Variants in EPHB1 observed in about 807,000 individuals in gnomAD.
EPHB1 encodes the protein ephrin type-B receptor 1.
Under a neutral mutation model 94.4 loss-of-function variants are expected in EPHB1, and 30 were observed. That is an observed-to-expected ratio of 0.32 (90% CI 0.24 to 0.43). The LOEUF is 0.43. Among genes scored for constraint, EPHB1 ranks in the 20% least tolerant of loss-of-function variants. EPHB1 has a pLI of 1.00. For synonymous variants in EPHB1, 522 were observed against 489.1 expected, an observed-to-expected ratio of 1.07 and a Z score of -0.89; for missense variants, 1,055 against 1,308.3, an observed-to-expected ratio of 0.81 and a Z score of 2.99.
chr3:134,795,758 T>C (rs982749648), intron 1 of EPHB1, 69 bp downstream of exon 1: 3 of 1,520,262 alleles, frequency 2.0e-6, no homozygotes, highest in Admixed American at 1.7e-5. Flanking sequence ...TGCTCCGCGG[T>C]TCGCGGGGTT....
intron 1 of EPHB1, among the ~76,000 whole-genome samples, chr3:134,864,832 AG>A (rs1193355253): frequency 1.3e-5 from 2 of 152,206 alleles, no homozygotes; most frequent in African/African-American, 4.8e-5. Context: ...GGCTGACCGT[AG>A]GGGAAGTGAA....
intron 12 of EPHB1, among the ~76,000 whole-genome samples, chr3:135,238,114 T>C (rs946132505): frequency 6.6e-6 from 1 of 152,258 alleles, no homozygotes; most frequent in African/African-American, 2.4e-5. Context: ...TGATTACCTC[T>C]GAGCACCAGA....
Position 135,165,839 on chromosome 3 carries a change from A to C in EPHB1, c.1586-129A>C, listed in dbSNP as rs60876545. Reference sequence around the variant, plus strand: ...TGCTGTTTGTTTTGGTTAGACTTACAACTCTGACACATAGAAACTATCCTC... The same window carrying C: ...TGCTGTTTGTTTTGGTTAGACTTACCACTCTGACACATAGAAACTATCCTC... On this transcript the variant is annotated intron_variant, in intron 7 of 15. Coordinates refer to ENST00000398015, the MANE Select transcript of EPHB1 (RefSeq NM_004441.5). 1,314 of 603,766 alleles carry C rather than the reference A, an allele frequency of 2.2e-3. 18 individuals are homozygous for C. Among genetic ancestry groups the C allele is most frequent in the African/African-American group, 0.022 (1,188 of 55,254 alleles). 37.4% of individuals were successfully genotyped at this position (603,766 alleles called of 1,614,324 possible). A position where few individuals can be genotyped will look rare whatever the true frequency, so the allele number is the denominator to read the frequency against.
At chr3:134,941,541 T>C (rs6764013) in intron 2 of EPHB1, among the ~76,000 whole-genome samples, 18,693 of 152,190 alleles carry the variant, frequency 0.12, 1,261 homozygotes, top group African/African-American at 0.15. Flanking sequence ...CTCATCCATC[T>C]CACTAATCAG....
At chr3:134,838,034 G>C (rs903127811) in intron 1 of EPHB1, among the ~76,000 whole-genome samples, 1 of 152,140 alleles carries the variant, frequency 6.6e-6, no homozygotes, top group Non-Finnish European at 1.5e-5. Context: ...GTGCTGCCTG[G>C]GTGGGCTCAG....
chr3:134,886,364 C>T (rs1253217490), intron 1 of EPHB1, among the ~76,000 whole-genome samples: 1 of 152,208 alleles, frequency 6.6e-6, no homozygotes, highest in African/African-American at 2.4e-5. Context: ...TTTCTTCTTA[C>T]AACAAACCCA....
At chr3:135,241,835 A>G (rs913039312) in intron 13 of EPHB1, among the ~76,000 whole-genome samples, 1 of 152,192 alleles carries the variant, frequency 6.6e-6, no homozygotes, top group African/African-American at 2.4e-5. Context: ...TCACTCTTCT[A>G]TGATCCCATA....
intron 1 of EPHB1, among the ~76,000 whole-genome samples, chr3:134,844,576 C>T (rs1323318811): frequency 6.6e-6 from 1 of 152,308 alleles, no homozygotes; most frequent in South Asian, 2.1e-4. Context: ...AGTGAGTTCC[C>T]TTTGACCCAC....
chr3:135,099,989 G>A (rs754550290), intron 3 of EPHB1, among the ~76,000 whole-genome samples: 1 of 152,194 alleles, frequency 6.6e-6, no homozygotes, highest in African/African-American at 2.4e-5. Flanking sequence ...CTGCTGAGCT[G>A]CACCTGCCTT....
intron 12 of EPHB1, among the ~76,000 whole-genome samples, chr3:135,216,451 G>C (rs544757991): frequency 1.3e-5 from 2 of 151,844 alleles, no homozygotes; most frequent in African/African-American, 4.8e-5. Flanking sequence ...AGCCGGGCAC[G>C]GTGGCTCATG....
At chr3:134,887,525 G>A (rs1221165345) in intron 1 of EPHB1, among the ~76,000 whole-genome samples, 2 of 152,164 alleles carry the variant, frequency 1.3e-5, no homozygotes, top group Non-Finnish European at 2.9e-5. Context: ...AGGGACAAAA[G>A]GCAGCCAGGA....
chr3:134,925,697 A>G (rs2038776023), intron 1 of EPHB1, 119 bp from the exon 2 acceptor site: 1 of 787,432 alleles, frequency 1.3e-6, no homozygotes, highest in African/African-American at 1.8e-5. Context: ...AGATGCACAA[A>G]CCTCCTTGTA....
intron 2 of EPHB1, among the ~76,000 whole-genome samples, chr3:134,947,333 T>C (rs1553869897): frequency 6.6e-6 from 1 of 152,212 alleles, no homozygotes; most frequent in Non-Finnish European, 1.5e-5. Flanking sequence ...CCCCCAGTTC[T>C]AATTACCACT....
intron 5 of EPHB1, among the ~76,000 whole-genome samples, chr3:135,147,065 A>T (rs1941032645): frequency 6.6e-6 from 1 of 152,210 alleles, no homozygotes; most frequent in South Asian, 2.1e-4. Flanking sequence ...AAGATCACAT[A>T]ATAAGCAAAT....
intron 3 of EPHB1, among the ~76,000 whole-genome samples, chr3:135,020,523 C>T (rs765869238): frequency 4.6e-5 from 7 of 152,162 alleles, no homozygotes; most frequent in African/African-American, 9.7e-5. Context: ...TGGAATCATG[C>T]GCTATATGGC....
intron 2 of EPHB1, among the ~76,000 whole-genome samples, 166 bp downstream of exon 2, chr3:134,926,046 G>T (rs2038785433): frequency 6.6e-6 from 1 of 152,202 alleles, no homozygotes; most frequent in South Asian, 2.1e-4. Flanking sequence ...AGGGGTCTCA[G>T]ACCTGAGCTG....
chr3:134,962,349 G>A (rs1022479902), intron 3 of EPHB1, among the ~76,000 whole-genome samples: 1 of 152,102 alleles, frequency 6.6e-6, no homozygotes, highest in African/African-American at 2.4e-5. Context: ...ACTCTCTTCT[G>A]TCCCATTCCC....
At chr3:135,193,871 C>T (rs1380659417) in intron 11 of EPHB1, among the ~76,000 whole-genome samples, 1 of 152,206 alleles carries the variant, frequency 6.6e-6, no homozygotes, top group Non-Finnish European at 1.5e-5. Context: ...TTATTTTGCT[C>T]ATGAATCTGC....
chr3:135,222,572 C>T (rs761667781), intron 12 of EPHB1, among the ~76,000 whole-genome samples: 5 of 152,126 alleles, frequency 3.3e-5, no homozygotes, highest in Non-Finnish European at 7.3e-5. Context: ...AAATAGTGGC[C>T]GGCTTCGTGG....
Sources: allele counts gnomAD v4.1 joint callset (sites outside exome capture counted in the v4.1 genomes callset), GRCh38; gene constraint gnomAD v4.1.1; transcripts MANE v1.5; gene names NCBI Gene and HGNC (gene_info 2026-07-23, HGNC 2026-07-21).